ZNRF3: variants seen among roughly 807,000 people sequenced by gnomAD.
ZNRF3 encodes zinc and ring finger 3.
Under a neutral mutation model 72.5 loss-of-function variants are expected in ZNRF3, and 23 were observed. The observed-to-expected ratio is 0.32, with a 90% CI of 0.23 to 0.45. The LOEUF is 0.45. ZNRF3 is among the 20% of genes least tolerant of loss of function. ZNRF3 has a pLI of 1.00. For synonymous variants in ZNRF3, 610 were observed against 545.3 expected (o/e 1.12, Z -1.65); for missense variants, 1,169 against 1,272.1 (o/e 0.92, Z 1.23).
chr22:29,024,636 A>G (rs1451507111), intron 2 of ZNRF3, among the ~76,000 whole-genome samples: 1 of 152,080 alleles, frequency 6.6e-6, no homozygotes, highest in Admixed American at 6.6e-5. Flanking sequence ...GAGGCACTAG[A>G]TCTTTTAGGA....
intron 1 of ZNRF3, among the ~76,000 whole-genome samples, chr22:28,947,202 C>G (rs556574432): frequency 3.3e-5 from 5 of 151,728 alleles, no homozygotes; most frequent in African/African-American, 4.9e-5. Context: ...TGCTATCAGC[C>G]ATGTATTACT....
Position 28,987,147 on chromosome 22 carries a change from G to C in ZNRF3, c.372G>C (p.Val124=). ...ATGAATATGGCTGGGTAGGAGTGGTGAAGCTGGAACAGCCAGAATTGGACC... is the reference window on the plus strand; with the variant it reads ...ATGAATATGGCTGGGTAGGAGTGGTCAAGCTGGAACAGCCAGAATTGGACC... ...DLYEYGWVGV[V]KLEQPELDPK... Residue 124 remains valine (V), a synonymous_variant, in exon 2 of 9, where the codon GTG becomes GTC. Transcript: ENST00000544604. 1.2e-6 allele frequency: 2 copies of C among 1,614,000 alleles called. No individual in the cohort carries two copies. The highest frequency in any genetic ancestry group is 1.7e-6 in the Non-Finnish European group (2 of 1,179,966).
In ZNRF3 at chr22:29,056,762, A is replaced by G. The variant is rs1225720183; in HGVS notation, c.*3140A>G. On this transcript the variant is annotated 3_prime_UTR_variant, in exon 9 of 9. Transcript: ENST00000544604. Reference sequence around the variant, plus strand: ...AAAATGGAAGTTTGGGTGTTTACCAACAAGGTACCTCTTTATGGATGCAGC... The same window carrying G: ...AAAATGGAAGTTTGGGTGTTTACCAGCAAGGTACCTCTTTATGGATGCAGC... 1 of 152,338 alleles carries G rather than the reference A, an allele frequency of 6.6e-6. No homozygotes were observed. The highest frequency in any genetic ancestry group is 1.9e-4 in the East Asian group (1 of 5,186). 9.4% of individuals were successfully genotyped at this position (152,338 alleles called of 1,614,324 possible).
intron 1 of ZNRF3, among the ~76,000 whole-genome samples, chr22:28,927,211 C>T (rs528071896): frequency 6.6e-6 from 1 of 152,256 alleles, no homozygotes; most frequent in East Asian, 1.9e-4. Flanking sequence ...GCAAAGTCAG[C>T]TTATCTGAAA....
intron 1 of ZNRF3, among the ~76,000 whole-genome samples, chr22:28,937,195 ATATATATATATATATATATATTTTT>A (rs1275336670): frequency 1.1e-5 from 1 of 91,182 alleles, no homozygotes; most frequent in African/African-American, 7.6e-5. Context: ...ATATATATAT[ATATATATATATATATATATATTTTT>A]TTTTTTTTTT....
chr22:29,035,141 G>A (rs2036844151), intron 2 of ZNRF3, among the ~76,000 whole-genome samples: 1 of 151,928 alleles, frequency 6.6e-6, no homozygotes, highest in African/African-American at 2.4e-5. Flanking sequence ...AACGCGCTCA[G>A]CCATGTTAGG....
chr22:28,916,963 G>T (rs1337017436), intron 1 of ZNRF3, among the ~76,000 whole-genome samples: 1 of 152,090 alleles, frequency 6.6e-6, no homozygotes, highest in Non-Finnish European at 1.5e-5. Flanking sequence ...CTGGAACCCT[G>T]GCCCCACACA....
chr22:29,028,876 CCTT>C (rs1175057051), intron 2 of ZNRF3, among the ~76,000 whole-genome samples: 17 of 152,224 alleles, frequency 1.1e-4, no homozygotes, highest in African/African-American at 4.1e-4. Flanking sequence ...CTCTTTTAAA[CCTT>C]CTGGCCACAG....
chr22:28,947,515 C>T (rs1024783901), intron 1 of ZNRF3, among the ~76,000 whole-genome samples: 1 of 152,162 alleles, frequency 6.6e-6, no homozygotes, highest in Non-Finnish European at 1.5e-5. Context: ...CTCTCTAATA[C>T]TTGTTATTAT....
chr22:28,916,309 C>T (rs2034406891), intron 1 of ZNRF3, among the ~76,000 whole-genome samples: 1 of 152,156 alleles, frequency 6.6e-6, no homozygotes, highest in South Asian at 2.1e-4. Context: ...AGGGATCAGA[C>T]TCAGCCTCCC....
intron 1 of ZNRF3, among the ~76,000 whole-genome samples, chr22:28,978,761 C>T (rs1198765462): frequency 1.3e-5 from 2 of 152,290 alleles, no homozygotes; most frequent in East Asian, 3.9e-4. Context: ...TTAGTGGCTT[C>T]TTTTGTCTTC....
intron 1 of ZNRF3, among the ~76,000 whole-genome samples, chr22:28,899,355 A>G (rs1212286449): frequency 2.0e-5 from 3 of 152,198 alleles, no homozygotes; most frequent in East Asian, 1.9e-4. Context: ...GCCAAGTTCT[A>G]TACGAATGTG....
In ZNRF3 at chr22:28,923,998, C is replaced by T. The variant is rs190863388; in HGVS notation, c.300+39932C>T. On this transcript the variant is annotated intron_variant, in intron 1 of 8. Transcript: ENST00000544604. ...GCGCTGTGATGGTATCGGCTTTGCC[C>T]CGGGCGGGAACCACAAGATCAAAGG... Among the ~76,000 whole-genome samples the T allele has an allele frequency of 3.2e-3, 485 of 152,366 alleles. 3 individuals are homozygous for T. Among genetic ancestry groups the T allele is most frequent in the Non-Finnish European group, 5.9e-3 (404 of 68,036 alleles).
chr22:29,023,129 A>G lies in ZNRF3; in HGVS notation c.427-19366A>G, dbSNP rs186937673. Among the ~76,000 whole-genome samples the G allele has an allele frequency of 1.9e-3, 290 of 152,304 alleles. 2 individuals carry two copies. The highest frequency in any genetic ancestry group is 6.8e-4 in the Non-Finnish European group (46 of 68,038). On this transcript the variant is annotated intron_variant, in intron 2 of 8. Coordinates refer to ENST00000544604, the MANE Select transcript of ZNRF3 (RefSeq NM_001206998.2). ...AAAAAATTGCTTGAAATAATACACA[A>G]AATGTCTATGTGTTTACTAATAGAT...
At chr22:28,998,658 C>T (rs956058195) in intron 2 of ZNRF3, among the ~76,000 whole-genome samples, 3 of 152,212 alleles carry the variant, frequency 2.0e-5, no homozygotes, top group Admixed American at 6.5e-5. Context: ...TTTTCATCTA[C>T]ACCACCTAAA....
At chr22:28,902,545 A>AT (rs1368996049) in intron 1 of ZNRF3, among the ~76,000 whole-genome samples, 2 of 151,798 alleles carry the variant, frequency 1.3e-5, no homozygotes, top group African/African-American at 4.8e-5. Context: ...TGATTTTTGT[A>AT]TTTTTCACCA....
rs73882441 is a variant in ZNRF3, at chr22:29,033,869, G to A, written c.427-8626G>A. ...AGACCCCTTGCACCTACATCCACCC[G>A]AGCAAGAAATGACCCAGAAATGTCC... is the stretch of plus-strand genomic sequence containing the variant. On this transcript the variant is annotated intron_variant, in intron 2 of 8. Transcript: ENST00000544604. Among the ~76,000 whole-genome samples, 445 of 152,260 alleles carry A rather than the reference G, an allele frequency of 2.9e-3. 7 individuals carry two copies. The highest frequency in any genetic ancestry group is 0.01 in the African/African-American group (423 of 41,558).
In ZNRF3 at chr22:29,049,900, G is replaced by A. The variant is rs780881784; in HGVS notation, c.1719G>A (p.Glu573=). The A allele has an allele frequency of 3.7e-6, 6 of 1,603,292 alleles. No individual in the cohort carries two copies. The South Asian group carries it at 5.6e-5, about 15-fold the overall frequency. Residue 573 remains glutamate (E), a synonymous_variant, in exon 8 of 9, where the codon GAG becomes GAA. Transcript: ENST00000544604. The surrounding 1 kb of genome is among the most constrained non-coding windows in gnomAD (Gnocchi z 5.2). ...GTGACTCTGTGGTAGACTGCACTGA[G>A]GTCAGCAACCAGGGCGTGTACGGGA... The part of the protein sequence containing the change: ...SSSDSVVDCT[E]VSNQGVYGSC...
Position 28,987,217 on chromosome 22 carries a change from T to C in ZNRF3, c.426+16T>C. Reference sequence around the variant, plus strand: ...CCTAGGCAAGGTAAGCACCAGGCCCTTGGAATCACTGTGTTTCTGGTTGGT... The same window carrying C: ...CCTAGGCAAGGTAAGCACCAGGCCCCTGGAATCACTGTGTTTCTGGTTGGT... On this transcript the variant is annotated intron_variant, in intron 2 of 8. Coordinates refer to ENST00000544604, the MANE Select transcript of ZNRF3 (RefSeq NM_001206998.2). The C allele has an allele frequency of 6.2e-7, 1 of 1,600,636 alleles. No individual in the cohort carries two copies. The highest frequency in any genetic ancestry group is 8.5e-7 in the Non-Finnish European group (1 of 1,175,902).
Sources: allele counts gnomAD v4.1 joint callset (sites outside exome capture counted in the v4.1 genomes callset), GRCh38; gene constraint gnomAD v4.1.1; non-coding constraint Gnocchi (gnomAD v3.1); transcripts MANE v1.5; gene names NCBI Gene and HGNC (gene_info 2026-07-23, HGNC 2026-07-21).